Variants in GCFC2 observed in about 807,000 individuals in gnomAD.
GCFC2 encodes intron Large complex component GCFC2.
GCFC2 carries 102 observed loss-of-function variants against 99.4 expected under a neutral mutation model. The ratio of observed to expected loss-of-function variants is 1.03; its 90% confidence interval spans 0.87 to 1.21. The LOEUF (loss-of-function observed/expected upper bound fraction) is 1.21, where lower values mean the gene tolerates loss of function less well. Ranked by LOEUF, GCFC2 falls within the 50% of genes most tolerant of loss-of-function variation. GCFC2 has a pLI of 0.00. For synonymous variants in GCFC2, 338 were observed against 316.8 expected, an observed-to-expected ratio of 1.07 and a Z score of -0.71; for missense variants, 973 against 920.9, an observed-to-expected ratio of 1.06 and a Z score of -0.73.
intron 9 of GCFC2, 150 bp from the exon 10 acceptor site, chr2:75,689,375 A>C: frequency 1.9e-6 from 1 of 540,126 alleles, no homozygotes; most frequent in Non-Finnish European, 3.2e-6. Context: ...CTTTATCAAC[A>C]AAGTAATAAT....
intron 2 of GCFC2, among the ~76,000 whole-genome samples, chr2:75,705,913 A>G (rs1680841305): frequency 6.6e-6 from 1 of 152,200 alleles, no homozygotes; most frequent in Non-Finnish European, 1.5e-5. Flanking sequence ...GCACCCACAA[A>G]TATTAAGTAA....
intron 11 of GCFC2, among the ~76,000 whole-genome samples, chr2:75,687,004 G>A (rs111252424): frequency 0.19 from 28,791 of 151,310 alleles, 3,409 homozygotes; most frequent in South Asian, 0.26. Flanking sequence ...GCACGATCTC[G>A]GCTCACCGCA....
At chr2:75,696,176 A>C (rs1474256731) in intron 5 of GCFC2, 24 bp downstream of exon 5, 1 of 837,882 alleles carries the variant, frequency 1.2e-6, no homozygotes, top group Non-Finnish European at 2.1e-6. Context: ...GACAAATGTA[A>C]ATTTCAAAAT....
At position 75,692,018 on chromosome 2, in the gene GCFC2, T is replaced by C. The variant is rs1680094635; in HGVS notation, c.1103A>G (p.Asp368Gly). 1 of 1,567,584 alleles carries C rather than the reference T, an allele frequency of 6.4e-7. No homozygotes were observed. The highest frequency in any genetic ancestry group is 1.2e-5 in the South Asian group (1 of 83,960). The change falls in exon 7 of 17, where the codon GAT becomes GGT. Residue 368 changes from aspartate (D) to glycine (G), a missense_variant. Transcript: ENST00000321027. The stretch of plus-strand genomic sequence containing the variant: ...ATACGTTGATTCATGTTTTAATTCA[T>C]CTTGCCTGCGTTTCATAAAGGTCAT... Reference protein sequence around the residue: ...QAMTFMKRRQDELKHESTYLQ... With the variant: ...QAMTFMKRRQGELKHESTYLQ...
rs767782624 is a variant in GCFC2 at position 75,690,059 on chromosome 2, C to T, written c.1249G>A (p.Val417Met). The T allele has an allele frequency of 6.2e-7, 1 of 1,604,104 alleles. No homozygotes were observed. Among genetic ancestry groups the T allele is most frequent in the Non-Finnish European group, 8.5e-7 (1 of 1,173,578 alleles). Residue 417 changes from valine to methionine, a missense_variant, in exon 9 of 17, where the codon GTG becomes ATG. Physicochemically the swap from Val to Met is conservative, Grantham distance 21. Transcript: ENST00000321027. ...SRRTKRRQAR[V>M]LSGNCNHQEG... is the part of the protein sequence containing the mutation. ...TGATGGTTACAATTCCCAGAAAGCA[C>T]CCTTGCTTGTCTTCTTTTTGTCCTA... is the stretch of plus-strand genomic sequence containing the variant.
chr2:75,686,131 G>A lies in GCFC2; in HGVS notation c.1690+1696C>T, dbSNP rs544746280. On this transcript the variant is annotated intron_variant, in intron 11 of 16. Transcript: ENST00000321027. ...TTAGTATTTAGATTTTTTCAGCAGAGTGCTTAAACTAGGCACATGCATTCT... is the reference window on the plus strand; with the variant it reads ...TTAGTATTTAGATTTTTTCAGCAGAATGCTTAAACTAGGCACATGCATTCT... Among the ~76,000 whole-genome samples, 26 of 152,276 alleles carry A rather than the reference G, an allele frequency of 1.7e-4. No individual in the cohort carries two copies. The South Asian group carries it at 5.2e-3, about 30-fold the overall frequency.
intron 1 of GCFC2, among the ~76,000 whole-genome samples, chr2:75,709,066 C>T (rs1680996280): frequency 6.6e-6 from 1 of 152,188 alleles, no homozygotes; most frequent in African/African-American, 2.4e-5. Flanking sequence ...GAAAACAATG[C>T]TACTCTTCCT....
intron 14 of GCFC2, chr2:75,670,836 T>C (rs1679062430): frequency 6.5e-6 from 1 of 152,756 alleles, no homozygotes; most frequent in Non-Finnish European, 1.5e-5. Context: ...TTTTAAGGTG[T>C]TTCTTTTTTT....
At chr2:75,673,176 G>T (rs1002844555) in intron 13 of GCFC2, among the ~76,000 whole-genome samples, 2 of 152,140 alleles carry the variant, frequency 1.3e-5, no homozygotes, top group African/African-American at 2.4e-5. Context: ...CGGGCGTGGT[G>T]GCGGGCGCCT....
At chr2:75,707,257 G>T (rs998675014) in intron 1 of GCFC2, among the ~76,000 whole-genome samples, 1 of 152,044 alleles carries the variant, frequency 6.6e-6, no homozygotes. Flanking sequence ...TTAAACCATG[G>T]GTCCATCTTT....
chr2:75,673,039 G>A (rs952148088), intron 13 of GCFC2, among the ~76,000 whole-genome samples: 9 of 152,190 alleles, frequency 5.9e-5, no homozygotes, highest in Admixed American at 5.2e-4. Context: ...GGCCGGGCGC[G>A]GTGGCTCACG....
chr2:75,706,961 A>G (rs1337658105), intron 1 of GCFC2, among the ~76,000 whole-genome samples: 1 of 152,234 alleles, frequency 6.6e-6, no homozygotes, highest in Non-Finnish European at 1.5e-5. Context: ...TAGAATAGTA[A>G]TGATTGTGAA....
chr2:75,711,921 G>A (rs926921427), upstream of GCFC2, among the ~76,000 whole-genome samples: 8 of 152,362 alleles, frequency 5.3e-5, no homozygotes, highest in South Asian at 2.1e-4. Flanking sequence ...GCTCCACGGC[G>A]CCCAGTCCCA....
At chr2:75,681,025 C>T (rs766760509) in intron 11 of GCFC2, among the ~76,000 whole-genome samples, 10 of 152,188 alleles carry the variant, frequency 6.6e-5, no homozygotes, top group Admixed American at 1.3e-4. Context: ...GTTCCCAGAA[C>T]ACTGTCCTTC....
At chr2:75,699,896 GTT>G (rs541277356) in intron 4 of GCFC2, among the ~76,000 whole-genome samples, 1 of 135,828 alleles carries the variant, frequency 7.4e-6, no homozygotes. Flanking sequence ...CTTTAACGTT[GTT>G]TTTTTTTTTT....
chr2:75,684,345 A>G (rs1490464602), intron 11 of GCFC2, among the ~76,000 whole-genome samples: 2 of 152,208 alleles, frequency 1.3e-5, no homozygotes, highest in East Asian at 1.9e-4. Context: ...CCGCACAACT[A>G]TATGGAAACT....
chr2:75,705,327 T>G (rs1558754868), intron 2 of GCFC2, among the ~76,000 whole-genome samples: 3 of 152,072 alleles, frequency 2.0e-5, no homozygotes, highest in Non-Finnish European at 4.4e-5. Context: ...AATAGGCTAA[T>G]AAAGAAGCAC....
At chr2:75,665,875 G>C in intron 16 of GCFC2, 54 bp downstream of exon 16, 1 of 1,179,046 alleles carries the variant, frequency 8.5e-7, no homozygotes, top group Non-Finnish European at 1.2e-6. Flanking sequence ...GTTGTTGAGA[G>C]CATACAGAAT....
chr2:75,706,678 A>G (rs1680883144), intron 1 of GCFC2, 27 bp from the exon 2 acceptor site: 6 of 1,482,966 alleles, frequency 4.0e-6, no homozygotes, highest in Non-Finnish European at 5.6e-6. Context: ...AAAATACAAC[A>G]AAAAAGAGTC....
Sources: gnomAD v4.1 joint callset for allele counts (sites outside exome capture counted in the v4.1 genomes callset) on GRCh38, gnomAD v4.1.1 for gene constraint, MANE v1.5 for transcripts, NCBI Gene and HGNC (gene_info 2026-07-23, HGNC 2026-07-21) for gene names.